CDH13: variants seen among roughly 807,000 people sequenced by gnomAD.
CDH13 encodes cadherin 13, also known as cadherin-13.
A neutral mutation model predicts 63.8 loss-of-function variants in CDH13; 24 were observed. The ratio of observed to expected loss-of-function variants is 0.38; its 90% CI spans 0.27 to 0.53. The LOEUF (loss-of-function observed/expected upper bound fraction) is 0.53, where lower values mean the gene tolerates loss of function less well. CDH13 is among the 20% of genes least tolerant of loss of function. The pLI, the probability that CDH13 is intolerant of heterozygous loss-of-function variation, is 0.85. For missense variants in CDH13, 1,049 were observed against 903.1 expected (o/e 1.16, Z -2.07); for synonymous variants, 503 against 355.3 (o/e 1.42, Z -4.67).
At position 83,209,182 on chromosome 16, in the gene CDH13, A is replaced by G. The variant is rs373115942; in HGVS notation, c.484-8163A>G. Among the ~76,000 whole-genome samples the G allele has an allele frequency of 9.2e-5, 14 of 152,290 alleles. No homozygotes were observed. The East Asian group carries it at 2.5e-3, about 27-fold the overall frequency. ...AGAACCACAACCACCTGTAAAAGGC[A>G]TGCAGTTTATATAGCATTTTCAGTT... On this transcript the variant is annotated intron_variant, in intron 4 of 13. Transcript: ENST00000567109.
chr16:83,042,014 TTTG>T (rs1214118169), intron 3 of CDH13, among the ~76,000 whole-genome samples: 2 of 152,242 alleles, frequency 1.3e-5, no homozygotes, highest in African/African-American at 4.8e-5. Flanking sequence ...CTTTTGCACA[TTTG>T]TTACTGATGT....
intron 1 of CDH13, among the ~76,000 whole-genome samples, chr16:82,767,195 T>C (rs1172928934): frequency 2.6e-5 from 4 of 152,224 alleles, no homozygotes; most frequent in Non-Finnish European, 1.5e-5. Context: ...ATCTTAAGTG[T>C]GTATTCTGAG....
rs541287581 is a variant in CDH13, at chr16:83,748,019, C to T, written c.1539-89C>T. ...ATTTTTGTTACCTAGGATCCAGCAC[C>T]TAGCCTAGGAGCTCATGCCCTGCAC... On this transcript the variant is annotated intron_variant, in intron 10 of 13. Coordinates refer to ENST00000567109, the MANE Select transcript of CDH13 (RefSeq NM_001257.5). 3.1e-5 allele frequency: 44 copies of T among 1,413,590 alleles called. No homozygotes were observed. In the African/African-American group the frequency reaches 5.3e-4, roughly 17 times the overall value. 87.6% of individuals were successfully genotyped at this position (1,413,590 alleles called of 1,614,324 possible).
At chr16:83,761,273 A>C (rs1409556236) in intron 11 of CDH13, among the ~76,000 whole-genome samples, 1 of 152,172 alleles carries the variant, frequency 6.6e-6, no homozygotes, top group Non-Finnish European at 1.5e-5. Context: ...GCTTCATAAT[A>C]ATTTTGATAA....
intron 1 of CDH13, among the ~76,000 whole-genome samples, chr16:82,664,518 T>G (rs556690619): frequency 1.3e-5 from 2 of 152,168 alleles, no homozygotes; most frequent in Non-Finnish European, 2.9e-5. Context: ...GTGGGTAAAA[T>G]AAGACACCAG....
At chr16:83,193,554 G>A (rs1032091862) in intron 4 of CDH13, among the ~76,000 whole-genome samples, 20 of 152,204 alleles carry the variant, frequency 1.3e-4, no homozygotes, top group African/African-American at 4.8e-4. Flanking sequence ...GTGGAAGCCT[G>A]TGTGGTCTCC....
At chr16:82,848,094 T>C (rs1382337606) in intron 1 of CDH13, among the ~76,000 whole-genome samples, 3 of 152,216 alleles carry the variant, frequency 2.0e-5, no homozygotes, top group Non-Finnish European at 4.4e-5. Context: ...GTTGGAGGTT[T>C]TGTAACAATG....
At chr16:83,409,456 C>T (rs1021995273) in intron 6 of CDH13, among the ~76,000 whole-genome samples, 26 of 152,160 alleles carry the variant, frequency 1.7e-4, no homozygotes, top group African/African-American at 5.3e-4. Context: ...AGGGTATCAG[C>T]AGAGCCTGCT....
At chr16:83,319,823 T>C (rs1435232052) in intron 5 of CDH13, among the ~76,000 whole-genome samples, 1 of 152,154 alleles carries the variant, frequency 6.6e-6, no homozygotes, top group Non-Finnish European at 1.5e-5. Context: ...AATCAGGTCA[T>C]AGCTAAATTT....
chr16:83,539,955 C>G (rs369883987), intron 7 of CDH13, among the ~76,000 whole-genome samples: 9 of 152,216 alleles, frequency 5.9e-5, no homozygotes, highest in African/African-American at 1.9e-4. Flanking sequence ...ATTGGTGGAA[C>G]TCATTCTTTG....
intron 12 of CDH13, among the ~76,000 whole-genome samples, chr16:83,781,153 A>T (rs973732311): frequency 1.3e-5 from 2 of 152,130 alleles, no homozygotes; most frequent in African/African-American, 4.8e-5. Context: ...AAGTCCTTCC[A>T]CATAGGCAGG....
chr16:83,574,262 G>C (rs953173835), intron 7 of CDH13, among the ~76,000 whole-genome samples: 1 of 152,156 alleles, frequency 6.6e-6, no homozygotes, highest in Non-Finnish European at 1.5e-5. Context: ...CATCGGATGG[G>C]AGCACCTTGC....
chr16:83,115,525 G>A (rs55819025), intron 3 of CDH13, among the ~76,000 whole-genome samples: 9,771 of 152,246 alleles, frequency 0.064, 400 homozygotes, highest in Middle Eastern at 0.088. Context: ...ACTCAAACCC[G>A]AAGCATCACA....
intron 5 of CDH13, among the ~76,000 whole-genome samples, chr16:83,295,099 C>T (rs1567571023): frequency 6.6e-6 from 1 of 152,014 alleles, no homozygotes; most frequent in Non-Finnish European, 1.5e-5. Context: ...CAACTAATTT[C>T]CAGCATAGTT....
chr16:82,697,056 G>C (rs1030916848), intron 1 of CDH13, among the ~76,000 whole-genome samples: 2 of 152,134 alleles, frequency 1.3e-5, no homozygotes, highest in Non-Finnish European at 2.9e-5. Context: ...CAGAACACCA[G>C]TTATGTCCCA....
chr16:83,253,428 C>G (rs1381097055), intron 5 of CDH13, among the ~76,000 whole-genome samples: 3 of 152,212 alleles, frequency 2.0e-5, no homozygotes, highest in African/African-American at 7.2e-5. Context: ...AAGTAAGAAG[C>G]AGCCAGTGTC....
chr16:83,249,354 C>G (rs1312288209), intron 5 of CDH13, among the ~76,000 whole-genome samples: 1 of 152,174 alleles, frequency 6.6e-6, no homozygotes, highest in Non-Finnish European at 1.5e-5. Flanking sequence ...ATTGTCTTCA[C>G]CATGGCAATG....
At chr16:83,121,572 T>A (rs1205085464) in intron 3 of CDH13, among the ~76,000 whole-genome samples, 1 of 152,328 alleles carries the variant, frequency 6.6e-6, no homozygotes, top group Non-Finnish European at 1.5e-5. Flanking sequence ...GAACATGGTC[T>A]TCACAGTTGC....
intron 3 of CDH13, among the ~76,000 whole-genome samples, chr16:83,042,783 G>A (rs1444833918): frequency 6.6e-6 from 1 of 152,220 alleles, no homozygotes; most frequent in Non-Finnish European, 1.5e-5. Flanking sequence ...CATGGAATCT[G>A]TTGACTTGGG....
Sources: gnomAD v4.1 joint callset for allele counts (sites outside exome capture counted in the v4.1 genomes callset) on GRCh38, gnomAD v4.1.1 for gene constraint, MANE v1.5 for transcripts, NCBI Gene and HGNC (gene_info 2026-07-23, HGNC 2026-07-21) for gene names.